Variants in CLEC2A observed in about 807,000 individuals in gnomAD.
The protein encoded by CLEC2A is C-type lectin domain family 2 member A, also known as keratinocyte-associated C-type lectin.
A neutral mutation model predicts 18.6 loss-of-function variants in CLEC2A; 19 were observed. The ratio of observed to expected loss-of-function variants is 1.02; its 90% confidence interval spans 0.71 to 1.50. The LOEUF (loss-of-function observed/expected upper bound fraction) is 1.50, where lower values mean the gene tolerates loss of function less well. Among genes scored for constraint, CLEC2A ranks in the 40% most tolerant of loss-of-function variants. CLEC2A has a pLI of 0.00. For missense variants in CLEC2A, 190 were observed against 207.9 expected (o/e 0.91, Z 0.53); for synonymous variants, 74 against 64.0 (o/e 1.16, Z -0.75).
At chr12:9,923,928 G>C (rs1322832831) in intron 2 of CLEC2A, among the ~76,000 whole-genome samples, 2 of 151,948 alleles carry the variant, frequency 1.3e-5, no homozygotes, top group Admixed American at 6.6e-5. Flanking sequence ...GGGTGATGTT[G>C]GGGTTGGGGG....
the CLEC2A span, among the ~76,000 whole-genome samples, chr12:9,882,055 C>T: frequency 6.6e-6 from 1 of 151,564 alleles, no homozygotes; most frequent in Admixed American, 6.6e-5. Flanking sequence ...TTTTAATCTT[C>T]GTAAAAGCCC....
chr12:9,932,249 C>T (rs915218737), intron 1 of CLEC2A, 26 bp downstream of exon 1: 3 of 1,476,104 alleles, frequency 2.0e-6, no homozygotes, highest in Admixed American at 3.9e-5. Flanking sequence ...CCTTTACTTC[C>T]TTCTCATTCA....
At chr12:9,917,001 A>G (rs149571714) in intron 3 of CLEC2A, among the ~76,000 whole-genome samples, 198 bp from the exon 4 acceptor site, 3 of 152,304 alleles carry the variant, frequency 2.0e-5, no homozygotes, top group African/African-American at 4.8e-5. Flanking sequence ...GCTTTTTTGC[A>G]TCTTAAGTAT....
downstream of CLEC2A, among the ~76,000 whole-genome samples, chr12:9,894,591 G>T (rs568349137): frequency 6.6e-5 from 10 of 152,096 alleles, no homozygotes; most frequent in Non-Finnish European, 1.3e-4. Context: ...AATTCTGAAG[G>T]GTCACGTTTA....
the CLEC2A span, among the ~76,000 whole-genome samples, chr12:9,884,194 C>T: frequency 2.0e-5 from 3 of 151,948 alleles, no homozygotes; most frequent in Non-Finnish European, 4.4e-5. Context: ...TATACATGCC[C>T]CTGTTTAACC....
rs530075999 is a variant in CLEC2A, at chr12:9,928,237, G to C, written c.56-1894C>G. 2.6e-5 allele frequency among the ~76,000 whole-genome samples: 4 copies of C among 152,226 alleles called. No individual in the cohort carries two copies. In the South Asian group the frequency reaches 8.3e-4, roughly 32 times the overall value. ...TCCCAGCACTTTGGGAGGCCAAGGA[G>C]GGTGGATCACCTGAGGTCAGGAATT... On this transcript the variant is annotated intron_variant, in intron 1 of 4. Coordinates refer to ENST00000455827, the MANE Select transcript of CLEC2A (RefSeq NM_001130711.2).
At position 9,916,689 on chromosome 12, in the gene CLEC2A, T is replaced by G; in HGVS notation, c.410+11A>C. ...CAGAATAAGAACATTGCTAATACAT[T>G]GGAAACTCACCAACCATTGAATGTG... On this transcript the variant is annotated intron_variant, in intron 4 of 4. Coordinates refer to ENST00000455827, the MANE Select transcript of CLEC2A (RefSeq NM_001130711.2). 6.7e-7 allele frequency: 1 copy of G among 1,486,970 alleles called. No homozygotes were observed. The highest frequency in any genetic ancestry group is 9.2e-7 in the Non-Finnish European group (1 of 1,087,618). 92.1% of individuals were successfully genotyped at this position (1,486,970 alleles called of 1,614,324 possible). A position where few individuals can be genotyped will look rare whatever the true frequency, so the allele number is the denominator to read the frequency against.
At chr12:9,878,756 G>A in the CLEC2A span, among the ~76,000 whole-genome samples, 2 of 152,118 alleles carry the variant, frequency 1.3e-5, no homozygotes, top group Non-Finnish European at 2.9e-5. Context: ...GAGGGTGGGG[G>A]AACAGTTTTA....
chr12:9,886,743 G>C, the CLEC2A span, among the ~76,000 whole-genome samples: 12 of 132,240 alleles, frequency 9.1e-5, no homozygotes, highest in African/African-American at 3.3e-4. Flanking sequence ...TTACACAGTG[G>C]ATTTTGCCCC....
chr12:9,916,832 T>C, intron 3 of CLEC2A, 29 bp from the exon 4 acceptor site: 1 of 1,325,992 alleles, frequency 7.5e-7, no homozygotes, highest in African/African-American at 1.5e-5. Flanking sequence ...AATCAGCGAT[T>C]ACTTAATATG....
chr12:9,925,409 G>A (rs1863252716), intron 2 of CLEC2A, among the ~76,000 whole-genome samples: 1 of 152,154 alleles, frequency 6.6e-6, no homozygotes, highest in East Asian at 1.9e-4. Context: ...AATTTATCAA[G>A]CATTAGAGTT....
At chr12:9,911,115 C>T (rs1862979364), downstream of CLEC2A, among the ~76,000 whole-genome samples, 1 of 152,142 alleles carries the variant, frequency 6.6e-6, no homozygotes, top group Non-Finnish European at 1.5e-5. Flanking sequence ...GACCACACAA[C>T]CTAAACTAGT....
intron 3 of CLEC2A, 119 bp downstream of exon 3, chr12:9,921,947 C>T (rs922499583): frequency 5.4e-5 from 46 of 859,524 alleles, no homozygotes; most frequent in Non-Finnish European, 7.4e-5. Flanking sequence ...AGTGAACCCA[C>T]ACAGTTCAAA....
chr12:9,926,185 G>A, intron 2 of CLEC2A, 75 bp downstream of exon 2: 1 of 855,444 alleles, frequency 1.2e-6, no homozygotes, highest in Non-Finnish European at 1.9e-6. Flanking sequence ...TGGGAGATTT[G>A]GAGTTAAACT....
the CLEC2A span, chr12:9,893,220 C>A: frequency 6.8e-7 from 1 of 1,473,946 alleles, no homozygotes; most frequent in East Asian, 2.5e-5. Flanking sequence ...GGCTTAGGTG[C>A]AAGTTCACTG....
In CLEC2A at chr12:9,916,695, C is replaced by G. The variant is rs1863077312; in HGVS notation, c.410+5G>C. On this transcript the variant is annotated splice_donor_5th_base_variant and intron_variant, in intron 4 of 4. Transcript: ENST00000455827. Reference sequence around the variant, plus strand: ...AAGAACATTGCTAATACATTGGAAACTCACCAACCATTGAATGTGGTGCCA... The same window carrying G: ...AAGAACATTGCTAATACATTGGAAAGTCACCAACCATTGAATGTGGTGCCA... 1 of 1,512,770 alleles carries G rather than the reference C, an allele frequency of 6.6e-7. No homozygotes were observed. Among genetic ancestry groups the G allele is most frequent in the Non-Finnish European group, 9.0e-7 (1 of 1,111,364 alleles). 93.7% of individuals were successfully genotyped at this position (1,512,770 alleles called of 1,614,324 possible).
intron 4 of CLEC2A, among the ~76,000 whole-genome samples, chr12:9,905,645 C>T (rs12308907): frequency 0.093 from 14,193 of 152,086 alleles, 977 homozygotes; most frequent in East Asian, 0.33. Flanking sequence ...GGTGGTTCTT[C>T]GGAGTCTGGT....
chr12:9,906,020 G>GTTTTTTTTTTTTTTTTTTTTTTTTTT (rs367651590), intron 4 of CLEC2A, among the ~76,000 whole-genome samples: 2 of 83,070 alleles, frequency 2.4e-5, no homozygotes, highest in Non-Finnish European at 5.1e-5. Context: ...CCACTTATTA[G>GTTTTTTTTTTTTTTTTTTTTTTTTTT]TTTTGTTTTT....
intron 3 of CLEC2A, among the ~76,000 whole-genome samples, 196 bp from the exon 4 acceptor site, chr12:9,916,999 G>A (rs1863082784): frequency 6.6e-6 from 1 of 152,036 alleles, no homozygotes; most frequent in African/African-American, 2.4e-5. Flanking sequence ...TTGCTTTTTT[G>A]CATCTTAAGT....
Sources: gnomAD v4.1 joint callset for allele counts (sites outside exome capture counted in the v4.1 genomes callset) on GRCh38, gnomAD v4.1.1 for gene constraint, MANE v1.5 for transcripts, NCBI Gene and HGNC (gene_info 2026-07-23, HGNC 2026-07-21) for gene names.